HRH2: variants seen among roughly 807,000 people sequenced by gnomAD.
HRH2 encodes histamine H2 receptor.
In HRH2, 4 loss-of-function variants were observed where a neutral mutation model predicts 20.1. The ratio of observed to expected loss-of-function variants is 0.20; its 90% CI spans 0.10 to 0.45. The LOEUF (loss-of-function observed/expected upper bound fraction) is 0.45, where lower values mean the gene tolerates loss of function less well. Ranked by LOEUF, HRH2 falls within the 20% of genes least tolerant of loss-of-function variation. HRH2 has a pLI of 0.99. For synonymous variants in HRH2, 197 were observed against 200.7 expected, an observed-to-expected ratio of 0.98 and a Z score of 0.16; for missense variants, 250 against 461.6, an observed-to-expected ratio of 0.54 and a Z score of 4.20.
In HRH2 at chr5:175,667,736, A is replaced by C. The variant is rs139015314; in HGVS notation, c.-526+9581A>C. 3.9e-5 allele frequency among the ~76,000 whole-genome samples: 6 copies of C among 152,228 alleles called. 1 individual carries two copies. Among genetic ancestry groups the C allele is most frequent in the Middle Eastern group, 6.8e-3 (2 of 294 alleles). On this transcript the variant is annotated intron_variant, in intron 1 of 2. Coordinates refer to ENST00000636584, the MANE Select transcript of HRH2 (RefSeq NM_001367711.1). ...AGAAGTGATAGTAACAGCTGTAGTA[A>C]TTTTGTTGTGACATAATTTAACCAT...
rs558100961 is a variant in HRH2 at position 175,665,168 on chromosome 5, G to C, written c.-526+7013G>C. 1.6e-4 allele frequency among the ~76,000 whole-genome samples: 24 copies of C among 152,290 alleles called. No homozygotes were observed. The South Asian group carries it at 4.4e-3, about 28-fold the overall frequency. On this transcript the variant is annotated intron_variant, in intron 1 of 2. Coordinates refer to ENST00000636584, the MANE Select transcript of HRH2 (RefSeq NM_001367711.1). Reference sequence around the variant, plus strand: ...AAGCTGAGAGGTAGAATCATCTGAAGGGGGTATGGGTTGAAGGAAAGGAAG... The same window carrying C: ...AAGCTGAGAGGTAGAATCATCTGAACGGGGTATGGGTTGAAGGAAAGGAAG...
chr5:175,695,930 C>T (rs775021558), intron 2 of HRH2, among the ~76,000 whole-genome samples: 4 of 152,242 alleles, frequency 2.6e-5, no homozygotes, highest in Admixed American at 6.5e-5. Context: ...GAAACTGGCA[C>T]GGCGATTCAG....
At chr5:175,659,898 C>A (rs1762684462) in intron 1 of HRH2, among the ~76,000 whole-genome samples, 1 of 152,180 alleles carries the variant, frequency 6.6e-6, no homozygotes, top group Non-Finnish European at 1.5e-5. Context: ...AAGGTCACTA[C>A]TCAGTACTAC....
chr5:175,674,150 G>A (rs1474712878), intron 1 of HRH2, among the ~76,000 whole-genome samples: 1 of 152,246 alleles, frequency 6.6e-6, no homozygotes, highest in Non-Finnish European at 1.5e-5. Flanking sequence ...GTCTCTCACT[G>A]ATAAGGAAAC....
chr5:175,658,470 GC>G (rs1762633666), intron 1 of HRH2, among the ~76,000 whole-genome samples: 3 of 152,190 alleles, frequency 2.0e-5, no homozygotes, highest in Non-Finnish European at 4.4e-5. Context: ...ACGCGGGTCG[GC>G]TTTATATCCC....
chr5:175,659,689 C>T (rs1487950215), intron 1 of HRH2, among the ~76,000 whole-genome samples: 1 of 152,172 alleles, frequency 6.6e-6, no homozygotes, highest in African/African-American at 2.4e-5. Flanking sequence ...TTGTATCGTG[C>T]TGGCCCCAAA....
intron 1 of HRH2, among the ~76,000 whole-genome samples, chr5:175,678,429 C>T (rs1317678299): frequency 6.6e-6 from 1 of 152,234 alleles, no homozygotes; most frequent in African/African-American, 2.4e-5. Flanking sequence ...GTAGCATCAC[C>T]ATTTTACACA....
At chr5:175,678,654 G>T (rs1490543136) in intron 1 of HRH2, among the ~76,000 whole-genome samples, 2 of 152,260 alleles carry the variant, frequency 1.3e-5, no homozygotes, top group Non-Finnish European at 2.9e-5. Context: ...CCCAGAAGGG[G>T]CGTCGGGCAC....
At chr5:175,664,531 T>C (rs1762829483) in intron 1 of HRH2, among the ~76,000 whole-genome samples, 1 of 152,178 alleles carries the variant, frequency 6.6e-6, no homozygotes, top group Admixed American at 6.5e-5. Context: ...ATGATTAGGC[T>C]TGACCTGAGA....
intron 1 of HRH2, among the ~76,000 whole-genome samples, chr5:175,676,376 C>T (rs988871346): frequency 1.3e-5 from 2 of 152,254 alleles, no homozygotes; most frequent in South Asian, 4.1e-4. Flanking sequence ...AGAGCCAAAG[C>T]TCCAGTGTCC....
chr5:175,680,831 A>G (rs1430104535), intron 1 of HRH2, among the ~76,000 whole-genome samples: 1 of 152,200 alleles, frequency 6.6e-6, no homozygotes, highest in Non-Finnish European at 1.5e-5. Flanking sequence ...CTCTACGAAG[A>G]AAGGACTCAC....
rs980922930 is a variant in HRH2 at position 175,693,239 on chromosome 5, G to C, written c.1076+8930G>C. 3.3e-5 allele frequency among the ~76,000 whole-genome samples: 5 copies of C among 152,212 alleles called. No individual in the cohort carries two copies. Among genetic ancestry groups the C allele is most frequent in the African/African-American group, 1.2e-4 (5 of 41,454 alleles). ...GCTCGCAGTGGCTGTTTGTGGCAGAGCATTCAGAGGGTGGAAGGGGGTGTG... is the reference window on the plus strand; with the variant it reads ...GCTCGCAGTGGCTGTTTGTGGCAGACCATTCAGAGGGTGGAAGGGGGTGTG... On this transcript the variant is annotated intron_variant, in intron 2 of 2. Transcript: ENST00000636584. The surrounding 1 kb of genome is among the most constrained non-coding windows in gnomAD (Gnocchi z 4.4).
intron 2 of HRH2, among the ~76,000 whole-genome samples, chr5:175,688,271 G>A (rs1756242386): frequency 6.6e-6 from 1 of 152,186 alleles, no homozygotes; most frequent in South Asian, 2.1e-4. Context: ...GTTCTCAAGG[G>A]ATTAGGATGT....
chr5:175,703,875 C>T (rs1756862630), intron 2 of HRH2: 1 of 152,082 alleles, frequency 6.6e-6, no homozygotes, highest in South Asian at 2.1e-4. Context: ...TGCCATATAA[C>T]CATTAAAAAT....
chr5:175,683,702 G>T lies in HRH2; in HGVS notation c.469G>T (p.Gly157Trp). ...ITLSFLSIHL[G>W]WNSRNETSKG... is the part of the protein sequence containing the mutation. Reference sequence around the variant, plus strand: ...CCTGTCCTTTCTGTCTATCCACCTGGGGTGGAACAGCAGGAACGAGACCAG... The same window carrying T: ...CCTGTCCTTTCTGTCTATCCACCTGTGGTGGAACAGCAGGAACGAGACCAG... Residue 157 changes from glycine to tryptophan, a missense_variant, in exon 2 of 3, where the codon GGG becomes TGG. Coordinates refer to ENST00000636584, the MANE Select transcript of HRH2 (RefSeq NM_001367711.1). 6.2e-7 allele frequency: 1 copy of T among 1,614,096 alleles called. No homozygotes were observed. Among genetic ancestry groups the T allele is most frequent in the Non-Finnish European group, 8.5e-7 (1 of 1,180,026 alleles).
chr5:175,658,311 A>C (rs902349386), intron 1 of HRH2, among the ~76,000 whole-genome samples, 156 bp downstream of exon 1: 1 of 151,918 alleles, frequency 6.6e-6, no homozygotes, highest in Non-Finnish European at 1.5e-5. Flanking sequence ...CCTCGGCCCC[A>C]CCGCTCCCTG....
intron 1 of HRH2, among the ~76,000 whole-genome samples, chr5:175,664,685 A>C (rs1762836193): frequency 6.6e-6 from 1 of 151,954 alleles, no homozygotes; most frequent in African/African-American, 2.4e-5. Context: ...CCCAAACCGG[A>C]GTGCAGTGGC....
rs1227324991 is a variant in HRH2 at position 175,698,660 on chromosome 5, G to A, written c.1077-9119G>A. ...TCGCAGCCTCCCGGTCAGGTCCGAG[G>A]CTATAGCTCATGAGTGTTCAGGGAT... On this transcript the variant is annotated intron_variant, in intron 2 of 2. Transcript: ENST00000636584. Among the ~76,000 whole-genome samples the A allele has an allele frequency of 3.3e-5, 5 of 152,254 alleles. No homozygotes were observed. The East Asian group carries it at 7.7e-4, about 24-fold the overall frequency.
chr5:175,703,173 A>G (rs1311593158), intron 2 of HRH2, among the ~76,000 whole-genome samples: 1 of 152,238 alleles, frequency 6.6e-6, no homozygotes, highest in African/African-American at 2.4e-5. Flanking sequence ...CACATGGAAT[A>G]TTTAAAAAGC....
Sources: gnomAD v4.1 joint callset for allele counts (sites outside exome capture counted in the v4.1 genomes callset) on GRCh38, gnomAD v4.1.1 for gene constraint, Gnocchi (gnomAD v3.1) non-coding constraint, MANE v1.5 for transcripts, NCBI Gene and HGNC (gene_info 2026-07-23, HGNC 2026-07-21) for gene names.